The following GCC2 variants were observed in gnomAD, a reference collection of about 807,000 sequenced individuals.
The protein encoded by GCC2 is GRIP and coiled-coil domain containing 2.
GCC2 carries 120 observed loss-of-function variants against 210.6 expected under a neutral mutation model. The observed-to-expected ratio is 0.57, with a 90% confidence interval of 0.49 to 0.66. The LOEUF (loss-of-function observed/expected upper bound fraction) is 0.66. Ranked by LOEUF, GCC2 falls within the 30% of genes least tolerant of loss-of-function variation. The pLI is 0.00. For missense variants in GCC2, 1,868 were observed against 1,871.9 expected (o/e 1.00, Z 0.04); for synonymous variants, 703 against 652.7 (o/e 1.08, Z -1.17).
chr2:108,467,120 A>G (rs1036921708), intron 4 of GCC2, among the ~76,000 whole-genome samples: 2 of 151,970 alleles, frequency 1.3e-5, no homozygotes, highest in African/African-American at 2.4e-5. Context: ...TTACTTTCCC[A>G]TATACGTTTA....
In GCC2 at chr2:108,495,352, G is replaced by T; in HGVS notation, c.4509G>T (p.Pro1503=). Residue 1503 remains proline (P), a synonymous_variant, in exon 20 of 23, where the codon CCG becomes CCT. Coordinates refer to ENST00000309863, the MANE Select transcript of GCC2 (RefSeq NM_181453.4). ...GAGAAAGGAGAAACACAGACCTCCC[G>T]CTTCTAGACATGCACACTGTAACCC... ...NLRERRNTDL[P]LLDMHTVTRE... 6.3e-7 allele frequency: 1 copy of T among 1,575,762 alleles called. No individual in the cohort carries two copies. Among genetic ancestry groups the T allele is most frequent in the Admixed American group, 1.7e-5 (1 of 59,248 alleles).
chr2:108,480,007 A>C lies in GCC2; in HGVS notation c.3061-1690A>C, dbSNP rs994272523. Among the ~76,000 whole-genome samples the C allele has an allele frequency of 1.3e-3, 175 of 133,186 alleles. 1 individual carries two copies. Among genetic ancestry groups the C allele is most frequent in the Non-Finnish European group, 2.2e-3 (135 of 62,544 alleles). 87.4% of individuals were successfully genotyped at this position (133,186 alleles called of 152,430 possible). A position where few individuals can be genotyped will look rare whatever the true frequency, so the allele number is the denominator to read the frequency against. ...AAAAAAAAAAAAAAAAAAAAAAAAAAAACGAAAAACCCCACCAGAGAAGCC... is the reference window on the plus strand; with the variant it reads ...AAAAAAAAAAAAAAAAAAAAAAAAACAACGAAAAACCCCACCAGAGAAGCC... On this transcript the variant is annotated intron_variant, in intron 9 of 22. Transcript: ENST00000309863.
intron 19 of GCC2, chr2:108,493,443 G>C (rs1682503181): frequency 1.0e-6 from 1 of 985,728 alleles, no homozygotes; most frequent in African/African-American, 1.7e-5. Flanking sequence ...TCCGTTGTTA[G>C]ACATCAAATT....
chr2:108,464,728 A>G (rs558166203), intron 4 of GCC2, among the ~76,000 whole-genome samples: 3 of 152,236 alleles, frequency 2.0e-5, no homozygotes, highest in East Asian at 3.9e-4. Flanking sequence ...GGTCTATGGG[A>G]AAAATGGAAG....
At position 108,468,993 on chromosome 2, in the gene GCC2, G is replaced by C; in HGVS notation, c.230G>C (p.Arg77Pro). ...TGDIIKALTE[R>P]LDALLLEKAE... ...GTTCTAAAATAGGCATTAACTGAAC[G>C]TCTGGATGCTCTTCTTCTGGAAAAA... is the stretch of plus-strand genomic sequence containing the variant. Residue 77 changes from arginine (R) to proline (P), a missense_variant, in exon 5 of 23, where the codon CGT becomes CCT. Arg to Pro is a moderately radical substitution (Grantham distance 103, BLOSUM62 -2). Transcript: ENST00000309863. The C allele has an allele frequency of 6.2e-7, 1 of 1,610,126 alleles. No homozygotes were observed. Among genetic ancestry groups the C allele is most frequent in the Non-Finnish European group, 8.5e-7 (1 of 1,176,610 alleles).
At chr2:108,453,443 T>C (rs1195708135) in intron 4 of GCC2, among the ~76,000 whole-genome samples, 10 of 152,226 alleles carry the variant, frequency 6.6e-5, no homozygotes, top group Admixed American at 5.9e-4. Flanking sequence ...TTTAGTCTTA[T>C]ATAATACTGC....
Position 108,482,410 on chromosome 2 carries a change from G to C in GCC2, c.3304G>C (p.Glu1102Gln). The change falls in exon 11 of 23, where the codon GAA becomes CAA. Residue 1102 changes from glutamate (E) to glutamine (Q), a missense_variant. Glu to Gln is a conservative substitution (Grantham distance 29). This residue lies in a region of GCC2 where 1,847 missense variants were observed against 1,765.2 expected (regional missense o/e 1.05). Coordinates refer to ENST00000309863, the MANE Select transcript of GCC2 (RefSeq NM_181453.4). ...GAGAGCCAAAGCAATGGTAGACAAA[G>C]AATTAGAAGCTGAAAAACTTCAGAA... ...VQRAKAMVDKELEAEKLQKEQ... is the reference protein window; with the variant it reads ...VQRAKAMVDKQLEAEKLQKEQ... The C allele has an allele frequency of 6.3e-7, 1 of 1,583,156 alleles. No individual in the cohort carries two copies. Among genetic ancestry groups the C allele is most frequent in the Non-Finnish European group, 8.7e-7 (1 of 1,155,126 alleles).
chr2:108,474,186 T>G (rs559340618), intron 7 of GCC2, among the ~76,000 whole-genome samples: 1 of 151,856 alleles, frequency 6.6e-6, no homozygotes, highest in East Asian at 1.9e-4. Flanking sequence ...AGCCGGGAGA[T>G]TCAAATTACC....
intron 22 of GCC2, among the ~76,000 whole-genome samples, chr2:108,505,613 A>G (rs1209184991): frequency 2.6e-5 from 4 of 152,166 alleles, no homozygotes; most frequent in African/African-American, 9.7e-5. Flanking sequence ...CAAGGAACAC[A>G]GGCCATCAGT....
Position 108,452,460 on chromosome 2 carries a change from T to TATTAAGGTA in GCC2, c.215_216+7dup, listed in dbSNP as rs761342063. 10 of 1,524,182 alleles carry TATTAAGGTA rather than the reference T, an allele frequency of 6.6e-6. No individual in the cohort carries two copies. In the Admixed American group the frequency reaches 1.7e-4, roughly 26 times the overall value. 94.4% of individuals were successfully genotyped at this position (1,524,182 alleles called of 1,614,324 possible). On this transcript the variant is annotated inframe_insertion, in exon 4 of 23. Transcript: ENST00000309863. ...CTGTTACTGAAGGAACTGGTGATAT[T>TATTAAGGTA]ATTAAGGTAATTATTACGTTGGGAA...
chr2:108,485,040 A>C (rs1238889922), intron 13 of GCC2, among the ~76,000 whole-genome samples: 1 of 151,970 alleles, frequency 6.6e-6, no homozygotes, highest in East Asian at 1.9e-4. Context: ...ATGAAATTGG[A>C]AATCATCATT....
intron 4 of GCC2, among the ~76,000 whole-genome samples, chr2:108,456,007 C>T (rs193184631): frequency 7.9e-5 from 12 of 151,236 alleles, no homozygotes; most frequent in East Asian, 3.9e-4. Context: ...TTTTTTGAGA[C>T]GGAGTCTTGC....
chr2:108,473,274 C>G (rs1377168548), intron 7 of GCC2: 1 of 150,634 alleles, frequency 6.6e-6, no homozygotes, highest in Non-Finnish European at 1.4e-5. Context: ...GGACAAGATA[C>G]AGTACTAACA....
intron 21 of GCC2, among the ~76,000 whole-genome samples, chr2:108,498,692 T>C (rs1682773347): frequency 6.6e-6 from 1 of 152,230 alleles, no homozygotes; most frequent in Admixed American, 6.5e-5. Flanking sequence ...TATTACCTTT[T>C]TTATATCATT....
rs2104530566 is a variant in GCC2, at chr2:108,509,086, T to A, written c.*1456T>A. ...TAACTAGTGAATGTATTAATGAAAA[T>A]GCATCTATTTCAGAGCTGACATGAA... On this transcript the variant is annotated 3_prime_UTR_variant, in exon 23 of 23. Transcript: ENST00000309863. 1 of 152,754 alleles carries A rather than the reference T, an allele frequency of 6.5e-6. No individual in the cohort carries two copies. Among genetic ancestry groups the A allele is most frequent in the South Asian group, 2.1e-4 (1 of 4,828 alleles). 9.5% of individuals were successfully genotyped at this position (152,754 alleles called of 1,614,324 possible). A position where few individuals can be genotyped will look rare whatever the true frequency, so the allele number is the denominator to read the frequency against.
chr2:108,471,911 T>G lies in GCC2; in HGVS notation c.2582T>G (p.Leu861Arg). The change falls in exon 6 of 23, where the codon CTT becomes CGT. Residue 861 changes from leucine to arginine, a missense_variant. Coordinates refer to ENST00000309863, the MANE Select transcript of GCC2 (RefSeq NM_181453.4). ...GAAAAAGAGGCCCTGCAGTCTGATC[T>G]TCTAGAAATGAAGAATGCTAATGAA... Reference protein sequence around the residue: ...QSEKEALQSDLLEMKNANEKT... With the variant: ...QSEKEALQSDRLEMKNANEKT... The G allele has an allele frequency of 6.2e-7, 1 of 1,601,890 alleles. No individual in the cohort carries two copies. The highest frequency in any genetic ancestry group is 8.5e-7 in the Non-Finnish European group (1 of 1,176,542).
chr2:108,498,006 T>C (rs1682729408), intron 21 of GCC2, among the ~76,000 whole-genome samples: 1 of 152,064 alleles, frequency 6.6e-6, no homozygotes, highest in Non-Finnish European at 1.5e-5. Context: ...TCAGATTATT[T>C]TAAAGCTGAA....
intron 2 of GCC2, among the ~76,000 whole-genome samples, chr2:108,450,636 C>G (rs904941198): frequency 2.0e-5 from 3 of 152,208 alleles, no homozygotes; most frequent in Non-Finnish European, 2.9e-5. Context: ...AATCCCAACA[C>G]TTTGGGAGGC....
chr2:108,486,805 C>A (rs1367112373), intron 16 of GCC2, among the ~76,000 whole-genome samples, 157 bp downstream of exon 16: 2 of 152,202 alleles, frequency 1.3e-5, no homozygotes, highest in Admixed American at 1.3e-4. Context: ...TAACCCCAAT[C>A]CCATGCCAAC....
Sources: allele counts gnomAD v4.1 joint callset (sites outside exome capture counted in the v4.1 genomes callset), GRCh38; gene constraint gnomAD v4.1.1; regional missense constraint gnomAD v4.1.1; transcripts MANE v1.5; gene names NCBI Gene and HGNC (gene_info 2026-07-23, HGNC 2026-07-21).